Variants in CACNB2 observed in about 807,000 individuals in gnomAD.
The protein encoded by CACNB2 is calcium voltage-gated channel auxiliary subunit beta 2.
In CACNB2, 42 loss-of-function variants were observed where a neutral mutation model predicts 73.3. The ratio of observed to expected loss-of-function variants is 0.57; its 90% CI spans 0.45 to 0.74. CACNB2 has a LOEUF of 0.74. Ranked by LOEUF, CACNB2 falls within the 30% of genes least tolerant of loss-of-function variation. CACNB2 has a pLI of 0.00. For missense variants in CACNB2, 940 were observed against 853.0 expected (o/e 1.10, Z -1.27); for synonymous variants, 348 against 310.3 (o/e 1.12, Z -1.28).
chr10:18,256,692 G>A (rs1233604700), intron 2 of CACNB2: 1 of 152,218 alleles, frequency 6.6e-6, no homozygotes, highest in Non-Finnish European at 1.5e-5. Context: ...TCTAATCCCA[G>A]CACTTTGAGA....
chr10:18,377,657 G>A (rs1180141437), intron 2 of CACNB2, among the ~76,000 whole-genome samples: 1 of 152,196 alleles, frequency 6.6e-6, no homozygotes, highest in East Asian at 1.9e-4. Context: ...CATACAAAGA[G>A]GCAGTGGATC....
intron 2 of CACNB2, among the ~76,000 whole-genome samples, chr10:18,177,207 A>G (rs1347202525): frequency 1.3e-5 from 2 of 152,162 alleles, no homozygotes. Context: ...GCAGATCTCA[A>G]TCCATCAGAA....
Position 18,348,405 on chromosome 10 carries a change from G to GGCCCAACCA in CACNB2, c.214-53513_214-53512insCCAGCCCAA, listed in dbSNP as rs1157708314. Among the ~76,000 whole-genome samples the GGCCCAACCA allele has an allele frequency of 2.6e-5, 4 of 152,268 alleles. No individual in the cohort carries two copies. In the East Asian group the frequency reaches 5.8e-4, roughly 22 times the overall value. The stretch of plus-strand genomic sequence containing the variant: ...TTTGGCACTGTAGCTGGAATACAGA[G>GGCCCAACCA]GCCCAAGGTGGTTATATGGGCTAAA... On this transcript the variant is annotated intron_variant, in intron 2 of 13. Transcript: ENST00000324631.
chr10:18,233,034 A>G (rs1436149131), intron 2 of CACNB2, among the ~76,000 whole-genome samples: 1 of 152,208 alleles, frequency 6.6e-6, no homozygotes, highest in Non-Finnish European at 1.5e-5. Flanking sequence ...GCAGTGAACC[A>G]TGATCGCACC....
At chr10:18,144,244 A>C (rs950785417) in intron 1 of CACNB2, among the ~76,000 whole-genome samples, 3 of 151,894 alleles carry the variant, frequency 2.0e-5, no homozygotes, top group Admixed American at 2.0e-4. Context: ...TGCTCAGCTA[A>C]TTTTTTTGTA....
intron 2 of CACNB2, among the ~76,000 whole-genome samples, chr10:18,246,149 A>G (rs2036851297): frequency 6.6e-6 from 1 of 152,156 alleles, no homozygotes; most frequent in East Asian, 1.9e-4. Context: ...CAGACTGCCT[A>G]GAATTGAAGC....
intron 2 of CACNB2, among the ~76,000 whole-genome samples, chr10:18,393,075 G>A (rs1022553249): frequency 6.6e-6 from 1 of 152,024 alleles, no homozygotes; most frequent in Non-Finnish European, 1.5e-5. Context: ...TGGGCATGGT[G>A]GTGGGCACCT....
At chr10:18,492,379 G>A (rs969879032) in intron 3 of CACNB2, among the ~76,000 whole-genome samples, 4 of 152,132 alleles carry the variant, frequency 2.6e-5, no homozygotes, top group African/African-American at 7.2e-5. Context: ...CCAGCACTTC[G>A]GGAAGCCGAG....
intron 2 of CACNB2, among the ~76,000 whole-genome samples, chr10:18,286,243 G>A (rs1029619573): frequency 6.6e-6 from 1 of 152,058 alleles, no homozygotes; most frequent in African/African-American, 2.4e-5. Flanking sequence ...GCTGCCGGGC[G>A]CAGTGGCTCA....
At chr10:18,428,673 G>A (rs141210092) in intron 3 of CACNB2, among the ~76,000 whole-genome samples, 76 of 136,326 alleles carry the variant, frequency 5.6e-4, no homozygotes, top group African/African-American at 1.9e-3. Context: ...GTGACAAAGC[G>A]AGACACTGTC....
chr10:18,151,210 C>A, intron 2 of CACNB2: 1 of 436,482 alleles, frequency 2.3e-6, no homozygotes, highest in Non-Finnish European at 4.0e-6. Flanking sequence ...GCATTCATTA[C>A]AGAGGATTTC....
At chr10:18,330,246 G>A (rs193003932) in intron 2 of CACNB2, among the ~76,000 whole-genome samples, 3 of 151,988 alleles carry the variant, frequency 2.0e-5, no homozygotes, top group East Asian at 1.9e-4. Context: ...CTTCATATAC[G>A]TAATTACACA....
intron 2 of CACNB2, among the ~76,000 whole-genome samples, chr10:18,158,385 T>C (rs2032211074): frequency 6.6e-6 from 1 of 152,218 alleles, no homozygotes; most frequent in Non-Finnish European, 1.5e-5. Flanking sequence ...AATGAATGAA[T>C]ATTATTTTCA....
intron 3 of CACNB2, among the ~76,000 whole-genome samples, chr10:18,492,625 A>AAAG (rs1438318076): frequency 7.1e-6 from 1 of 140,960 alleles, no homozygotes; most frequent in Non-Finnish European, 1.5e-5. Flanking sequence ...TGTCTCAAAA[A>AAAG]AAAAAAAAAA....
At chr10:18,495,281 A>G (rs1312107185) in intron 3 of CACNB2, among the ~76,000 whole-genome samples, 5 of 150,980 alleles carry the variant, frequency 3.3e-5, no homozygotes, top group African/African-American at 9.8e-5. Context: ...CAGTGGTGCA[A>G]TGATCTTTGC....
chr10:18,153,084 A>T (rs2031740172), intron 2 of CACNB2, among the ~76,000 whole-genome samples: 1 of 152,324 alleles, frequency 6.6e-6, no homozygotes, highest in South Asian at 2.1e-4. Context: ...TTGTGTTCTT[A>T]GTAATGTATG....
intron 2 of CACNB2, among the ~76,000 whole-genome samples, chr10:18,224,546 A>G (rs577165667): frequency 3.7e-4 from 57 of 152,294 alleles, no homozygotes; most frequent in African/African-American, 1.2e-3. Context: ...ACAGATGCTC[A>G]TATTCTCATT....
intron 2 of CACNB2, among the ~76,000 whole-genome samples, chr10:18,377,528 AT>A (rs1339068037): frequency 8.5e-5 from 13 of 152,348 alleles, no homozygotes; most frequent in African/African-American, 2.9e-4. Context: ...TTCCAATAAA[AT>A]TGTATTTAGG....
In CACNB2 at chr10:18,259,918, CT is replaced by C. The variant is rs143438896; in HGVS notation, c.213+108945del. On this transcript the variant is annotated intron_variant, in intron 2 of 13. Transcript: ENST00000324631. Reference sequence around the variant, plus strand: ...GAGTAAGACCCTATCTCAAAAAAGCCTTGAGAAAATACTGGTAAAGTGTTGA... The same window carrying C: ...GAGTAAGACCCTATCTCAAAAAAGCCTGAGAAAATACTGGTAAAGTGTTGA... Among the ~76,000 whole-genome samples, 421 of 152,084 alleles carry C rather than the reference CT, an allele frequency of 2.8e-3. 1 individual carries two copies. The highest frequency in any genetic ancestry group is 9.8e-3 in the African/African-American group (408 of 41,482).
Sources: allele counts gnomAD v4.1 joint callset (sites outside exome capture counted in the v4.1 genomes callset), GRCh38; gene constraint gnomAD v4.1.1; transcripts MANE v1.5; gene names NCBI Gene and HGNC (gene_info 2026-07-23, HGNC 2026-07-21).